The following NRXN3 variants were observed in gnomAD, a reference collection of about 807,000 sequenced individuals.
The protein encoded by NRXN3 is neurexin 3, also known as neurexin III.
NRXN3 carries 32 observed loss-of-function variants against 137.6 expected under a neutral mutation model. The observed-to-expected ratio is 0.23, with a 90% CI of 0.18 to 0.31. The LOEUF is 0.31. Among genes scored for constraint, NRXN3 ranks in the 10% least tolerant of loss-of-function variants. The probability of loss-of-function intolerance (pLI) is 1.00; values close to 1 mark genes in which losing one functional copy is unlikely to be tolerated. For synonymous variants in NRXN3, 798 were observed against 784.5 expected (o/e 1.02, Z -0.29); for missense variants, 1,574 against 2,062.5 (o/e 0.76, Z 4.59).
At position 79,382,275 on chromosome 14, in the gene NRXN3, G is replaced by T. The variant is rs960060888; in HGVS notation, c.3263-84946G>T. The stretch of plus-strand genomic sequence containing the variant: ...GTGACATTTACCAAGACAATTTTGG[G>T]TAAAAAAGGCAGATTTATTGGAGAA... On this transcript the variant is annotated intron_variant, in intron 15 of 20. Coordinates refer to ENST00000335750, the MANE Select transcript of NRXN3 (RefSeq NM_001330195.2). Among the ~76,000 whole-genome samples the T allele has an allele frequency of 2.0e-5, 3 of 152,150 alleles. No individual in the cohort carries two copies. In the South Asian group the frequency reaches 6.2e-4, roughly 31 times the overall value.
chr14:78,422,636 A>C (rs1375526744), intron 4 of NRXN3, among the ~76,000 whole-genome samples: 1 of 152,236 alleles, frequency 6.6e-6, no homozygotes, highest in Non-Finnish European at 1.5e-5. Context: ...CAATCAAGAA[A>C]TCAATCAACA....
At chr14:78,437,764 G>C (rs2094121049) in intron 4 of NRXN3, among the ~76,000 whole-genome samples, 1 of 152,174 alleles carries the variant, frequency 6.6e-6, no homozygotes, top group Non-Finnish European at 1.5e-5. Flanking sequence ...TGTTCAATTA[G>C]ACTTTTGGGG....
At chr14:78,389,278 A>T (rs1025315053) in intron 4 of NRXN3, among the ~76,000 whole-genome samples, 1 of 151,722 alleles carries the variant, frequency 6.6e-6, no homozygotes, top group Non-Finnish European at 1.5e-5. Context: ...CTGGTCTTGA[A>T]CTCCTCACCT....
intron 6 of NRXN3, among the ~76,000 whole-genome samples, chr14:78,653,836 T>C (rs2097765968): frequency 6.6e-6 from 1 of 152,018 alleles, no homozygotes; most frequent in Non-Finnish European, 1.5e-5. Flanking sequence ...TGAAAAACAG[T>C]GTCAATAATA....
rs2099603077 is a variant in NRXN3 at position 79,029,019 on chromosome 14, T to C, written c.3262+40878T>C. 2.0e-5 allele frequency among the ~76,000 whole-genome samples: 3 copies of C among 147,636 alleles called. No individual in the cohort carries two copies. The South Asian group carries it at 6.5e-4, about 32-fold the overall frequency. ...AAAATGTCATAGGAAAAAATAGTGA[T>C]AAATATGCTTAAAAGAAGGCAAGGA... On this transcript the variant is annotated intron_variant, in intron 15 of 20. Coordinates refer to ENST00000335750, the MANE Select transcript of NRXN3 (RefSeq NM_001330195.2).
At chr14:79,415,342 GT>G (rs1191575187) in intron 15 of NRXN3, among the ~76,000 whole-genome samples, 1 of 152,082 alleles carries the variant, frequency 6.6e-6, no homozygotes, top group East Asian at 1.9e-4. Flanking sequence ...AACATGTACA[GT>G]TTTTTTCTTG....
At chr14:78,993,403 C>T (rs2099522960) in intron 15 of NRXN3, among the ~76,000 whole-genome samples, 1 of 152,002 alleles carries the variant, frequency 6.6e-6, no homozygotes, top group African/African-American at 2.4e-5. Context: ...TTGTTATGAA[C>T]CTATGTTGTT....
chr14:78,758,343 A>G (rs912232027), intron 8 of NRXN3, among the ~76,000 whole-genome samples: 1 of 152,216 alleles, frequency 6.6e-6, no homozygotes, highest in Admixed American at 6.5e-5. Context: ...AAAATGTAAG[A>G]AAGGTACTTA....
chr14:78,452,753 C>T (rs1038369950), intron 4 of NRXN3, among the ~76,000 whole-genome samples: 1 of 152,176 alleles, frequency 6.6e-6, no homozygotes, highest in African/African-American at 2.4e-5. Flanking sequence ...GCAGCTTAAG[C>T]ACTAGTTAGT....
intron 4 of NRXN3, among the ~76,000 whole-genome samples, chr14:78,361,856 A>G (rs568084019): frequency 4.5e-4 from 68 of 152,344 alleles, no homozygotes; most frequent in African/African-American, 1.6e-3. Context: ...TAGGAATCAC[A>G]TCAAGGTACT....
chr14:79,168,611 C>A (rs907051421), intron 15 of NRXN3, among the ~76,000 whole-genome samples: 5 of 151,920 alleles, frequency 3.3e-5, no homozygotes, highest in African/African-American at 1.2e-4. Context: ...CCAATGTTAT[C>A]TCCTGTTTCT....
chr14:78,759,538 A>C (rs894107058), intron 8 of NRXN3, among the ~76,000 whole-genome samples: 2 of 152,048 alleles, frequency 1.3e-5, no homozygotes, highest in Non-Finnish European at 2.9e-5. Flanking sequence ...ACTTTTCCTC[A>C]TTTGTGTCAC....
At chr14:78,642,079 T>G (rs577092420) in intron 4 of NRXN3, among the ~76,000 whole-genome samples, 23 of 152,300 alleles carry the variant, frequency 1.5e-4, no homozygotes, top group Admixed American at 8.5e-4. Flanking sequence ...TTTGGGATGG[T>G]TTGTCAGTCA....
intron 19 of NRXN3, among the ~76,000 whole-genome samples, chr14:79,766,850 T>C (rs1158976184): frequency 6.6e-6 from 1 of 152,126 alleles, no homozygotes; most frequent in Non-Finnish European, 1.5e-5. Context: ...GCACAGAATA[T>C]AGTGGTGAAC....
At chr14:79,113,278 A>T (rs1370696976) in intron 15 of NRXN3, among the ~76,000 whole-genome samples, 2 of 152,018 alleles carry the variant, frequency 1.3e-5, no homozygotes, top group Non-Finnish European at 2.9e-5. Context: ...GTATATTATT[A>T]AAAAAAATTA....
chr14:78,907,250 C>G (rs759413385), intron 10 of NRXN3, among the ~76,000 whole-genome samples: 11 of 151,916 alleles, frequency 7.2e-5, no homozygotes, highest in Non-Finnish European at 1.6e-4. Flanking sequence ...ATGTGTGGTG[C>G]TCTTCATAAA....
In NRXN3 at chr14:79,867,937, A is replaced by T. The variant is rs1409218475; in HGVS notation, c.*5973A>T. The T allele has an allele frequency of 7.1e-6, 1 of 140,888 alleles. No individual in the cohort carries two copies. Among genetic ancestry groups the T allele is most frequent in the Non-Finnish European group, 1.5e-5 (1 of 65,842 alleles). The allele number at this position is 140,888 out of a possible 1,614,324, so 8.7% of individuals were successfully genotyped here. Reference sequence around the variant, plus strand: ...ATCTTGGGAGATGTATTAAATGAGTAGAGTGAATTTCAAGATATCTGAGTT... The same window carrying T: ...ATCTTGGGAGATGTATTAAATGAGTTGAGTGAATTTCAAGATATCTGAGTT... On this transcript the variant is annotated 3_prime_UTR_variant, in exon 21 of 21. Coordinates refer to ENST00000335750, the MANE Select transcript of NRXN3 (RefSeq NM_001330195.2).
intron 8 of NRXN3, among the ~76,000 whole-genome samples, chr14:78,744,235 G>T (rs1051443779): frequency 6.6e-6 from 1 of 152,070 alleles, no homozygotes; most frequent in Non-Finnish European, 1.5e-5. Context: ...TCCGCCTCCC[G>T]GGTTCAAGGA....
chr14:78,309,934 G>C (rs540770977), intron 4 of NRXN3, among the ~76,000 whole-genome samples: 3 of 152,034 alleles, frequency 2.0e-5, no homozygotes, highest in African/African-American at 4.8e-5. Context: ...GGAAGGGTTC[G>C]TTTAAATAGG....
Sources: gnomAD v4.1 joint callset for allele counts (sites outside exome capture counted in the v4.1 genomes callset) on GRCh38, gnomAD v4.1.1 for gene constraint, MANE v1.5 for transcripts, NCBI Gene and HGNC (gene_info 2026-07-23, HGNC 2026-07-21) for gene names.